Variants in EGLN1 observed in about 807,000 individuals in gnomAD.
The protein encoded by EGLN1 is egl nine homolog 1.
EGLN1 carries 17 observed loss-of-function variants against 38.3 expected under a neutral mutation model. The observed-to-expected ratio is 0.44, with a 90% CI of 0.30 to 0.67. EGLN1 has a LOEUF of 0.67. Ranked by LOEUF, EGLN1 falls within the 30% of genes least tolerant of loss-of-function variation. The pLI, the probability that EGLN1 is intolerant of heterozygous loss-of-function variation, is 0.08. For synonymous variants in EGLN1, 283 were observed against 257.5 expected (o/e 1.10, Z -0.95); for missense variants, 477 against 603.3 (o/e 0.79, Z 2.19).
intron 1 of EGLN1, among the ~76,000 whole-genome samples, chr1:231,398,140 G>A (rs1688578407): frequency 6.6e-6 from 1 of 152,134 alleles, no homozygotes; most frequent in South Asian, 2.1e-4. Flanking sequence ...ACTTAAAACC[G>A]AAATATTTTA....
chr1:231,421,997 T>C lies in EGLN1; in HGVS notation c.-109A>G. ...CGGGGAGAGAGATAGGGGCCGTTAC[T>C]GCGCCATGCACCCGCTACCCTCGCC... On this transcript the variant is annotated 5_prime_UTR_variant, in exon 1 of 5. Coordinates refer to ENST00000366641, the MANE Select transcript of EGLN1 (RefSeq NM_022051.3). The surrounding 1 kb of genome is among the most constrained non-coding windows in gnomAD (Gnocchi z 5.5). 8.5e-7 allele frequency: 1 copy of C among 1,177,150 alleles called. No homozygotes were observed. Among genetic ancestry groups the C allele is most frequent in the Non-Finnish European group, 1.1e-6 (1 of 918,776 alleles). The allele number at this position is 1,177,150 out of a possible 1,614,324, so 72.9% of individuals were successfully genotyped here. A position where few individuals can be genotyped will look rare whatever the true frequency, so the allele number is the denominator to read the frequency against.
In EGLN1 at chr1:231,421,568, C is replaced by T. The variant is rs938944314; in HGVS notation, c.321G>A (p.Ala107=). ...GCTTGGCCTTTACTTTTCCCTTGGC[C>T]GCGTCCCCGGAGGCGTTGTCCCGGC... ...AARRDNASGD[A]AKGKVKAKPP... Residue 107 remains alanine (A), a synonymous_variant, in exon 1 of 5, where the codon GCG becomes GCA. Transcript: ENST00000366641. This position sits in a 1 kb window ranked among gnomAD's most constrained non-coding sequence, Gnocchi z 5.5. 8.3e-5 allele frequency: 108 copies of T among 1,309,036 alleles called. 1 individual carries two copies. The South Asian group carries it at 1.5e-3, about 18-fold the overall frequency. The allele number at this position is 1,309,036 out of a possible 1,614,324, so 81.1% of individuals were successfully genotyped here.
rs541185961 is a variant in EGLN1 at position 231,413,131 on chromosome 1, G to A, written c.891+7867C>T. 1.9e-3 allele frequency among the ~76,000 whole-genome samples: 296 copies of A among 151,952 alleles called. 3 individuals are homozygous for A. The highest frequency in any genetic ancestry group is 6.8e-3 in the African/African-American group (284 of 41,464). On this transcript the variant is annotated intron_variant, in intron 1 of 4. Coordinates refer to ENST00000366641, the MANE Select transcript of EGLN1 (RefSeq NM_022051.3). Reference sequence around the variant, plus strand: ...CACGCTGCTGCCCAGGTTGGAGTGCGGTGGCATCATCTTGGCTCACTGCAA... The same window carrying A: ...CACGCTGCTGCCCAGGTTGGAGTGCAGTGGCATCATCTTGGCTCACTGCAA...
chr1:231,419,271 G>A (rs1656480166), intron 1 of EGLN1, among the ~76,000 whole-genome samples: 2 of 152,156 alleles, frequency 1.3e-5, no homozygotes, highest in Admixed American at 6.5e-5. Flanking sequence ...GCATCTCTAT[G>A]AGAAGCATTT....
At chr1:231,369,519 T>A (rs1254370562) in intron 3 of EGLN1, 2 of 940,442 alleles carry the variant, frequency 2.1e-6, no homozygotes, top group East Asian at 1.2e-4. Context: ...GGGCACATCA[T>A]GTGATGTGAC....
chr1:231,400,190 G>A (rs902297880), intron 1 of EGLN1, among the ~76,000 whole-genome samples: 4 of 152,010 alleles, frequency 2.6e-5, no homozygotes, highest in African/African-American at 9.7e-5. Context: ...TAACTTTTTA[G>A]TATCCTTTAA....
At chr1:231,413,980 G>C (rs1000703230) in intron 1 of EGLN1, among the ~76,000 whole-genome samples, 1 of 147,156 alleles carries the variant, frequency 6.8e-6, no homozygotes, top group Non-Finnish European at 1.5e-5. Context: ...GAAGTACAAA[G>C]GTGGCAGAAA....
At chr1:231,387,099 T>A (rs1359534740) in intron 1 of EGLN1, among the ~76,000 whole-genome samples, 1 of 151,256 alleles carries the variant, frequency 6.6e-6, no homozygotes, top group African/African-American at 2.4e-5. Context: ...CCTCACGCAA[T>A]CCTCCTGCCT....
intron 1 of EGLN1, among the ~76,000 whole-genome samples, chr1:231,402,188 T>C (rs1414047459): frequency 6.6e-6 from 1 of 152,186 alleles, no homozygotes. Context: ...ATACATTCTT[T>C]AGACATTCTG....
intron 1 of EGLN1, among the ~76,000 whole-genome samples, chr1:231,394,535 C>T (rs1046773265): frequency 4.7e-5 from 6 of 128,994 alleles, no homozygotes; most frequent in Admixed American, 1.6e-4. Context: ...CCCGCCACCA[C>T]GCCCGACTAA....
chr1:231,407,733 G>A (rs752367157), intron 1 of EGLN1, among the ~76,000 whole-genome samples: 1 of 152,030 alleles, frequency 6.6e-6, no homozygotes, highest in Non-Finnish European at 1.5e-5. Context: ...CCTAAGCAAC[G>A]TCATAAAACT....
At chr1:231,410,369 A>C (rs755566098) in intron 1 of EGLN1, among the ~76,000 whole-genome samples, 20 of 152,300 alleles carry the variant, frequency 1.3e-4, no homozygotes, top group Non-Finnish European at 2.8e-4. Flanking sequence ...GGTGCCAATA[A>C]CCACTGAGTG....
At chr1:231,397,317 A>G (rs1688554658) in intron 1 of EGLN1, among the ~76,000 whole-genome samples, 1 of 152,210 alleles carries the variant, frequency 6.6e-6, no homozygotes, top group Admixed American at 6.5e-5. Context: ...AATCAATATA[A>G]ATCAAACTAC....
intron 1 of EGLN1, among the ~76,000 whole-genome samples, chr1:231,375,217 G>A (rs894691557): frequency 2.0e-5 from 3 of 151,982 alleles, no homozygotes; most frequent in African/African-American, 7.3e-5. Context: ...TGCCAGGCCC[G>A]GCTAATTTTT....
chr1:231,369,556 T>C (rs1351054491), intron 3 of EGLN1: 1 of 985,218 alleles, frequency 1.0e-6, no homozygotes, highest in Admixed American at 6.2e-5. Flanking sequence ...CCATTCAGGA[T>C]TTCTTACAAT....
chr1:231,405,595 T>A (rs2474631), intron 1 of EGLN1, among the ~76,000 whole-genome samples: 88,837 of 151,972 alleles, frequency 0.58, 26,779 homozygotes, highest in Non-Finnish European at 0.66. Context: ...AGTTGTTGAG[T>A]GCCTTGCTCA....
In EGLN1 at chr1:231,373,964, CAATT is replaced by C. The variant is rs777508701; in HGVS notation, c.1011+12_1011+15del. 3.1e-6 allele frequency: 5 copies of C among 1,613,144 alleles called. No individual in the cohort carries two copies. Among genetic ancestry groups the C allele is most frequent in the Admixed American group, 1.7e-5 (1 of 59,966 alleles). On this transcript the variant is annotated intron_variant, in intron 2 of 4. Coordinates refer to ENST00000366641, the MANE Select transcript of EGLN1 (RefSeq NM_022051.3). ...CACCTGTAAGAAAAAAATAAATGCT[CAATT>C]AAGTTGCATACCTTGGCATCCCAGT...
At chr1:231,412,254 T>C (rs945554480) in intron 1 of EGLN1, among the ~76,000 whole-genome samples, 1 of 152,180 alleles carries the variant, frequency 6.6e-6, no homozygotes, top group African/African-American at 2.4e-5. Context: ...CATATAGTCA[T>C]GTGTATCATA....
At chr1:231,369,527 GAC>G in intron 3 of EGLN1, 2 of 981,754 alleles carry the variant, frequency 2.0e-6, no homozygotes, top group Non-Finnish European at 2.4e-6. Context: ...CATGTGATGT[GAC>G]AGTCTTTCTT....
Sources: allele counts gnomAD v4.1 joint callset (sites outside exome capture counted in the v4.1 genomes callset), GRCh38; gene constraint gnomAD v4.1.1; non-coding constraint Gnocchi (gnomAD v3.1); transcripts MANE v1.5; gene names NCBI Gene and HGNC (gene_info 2026-07-23, HGNC 2026-07-21).